Variants in FBXO11 observed in about 807,000 individuals in gnomAD.
The protein encoded by FBXO11 is F-box only protein 11.
In FBXO11, 13 loss-of-function variants were observed where a neutral mutation model predicts 117.0. The ratio of observed to expected loss-of-function variants is 0.11; its 90% confidence interval spans 0.07 to 0.18. FBXO11 has a LOEUF of 0.18. Among genes scored for constraint, FBXO11 ranks in the 10% least tolerant of loss-of-function variants. FBXO11 has a pLI of 1.00. For missense variants in FBXO11, 767 were observed against 1,164.4 expected, an observed-to-expected ratio of 0.66 and a Z score of 4.97; for synonymous variants, 490 against 380.5, an observed-to-expected ratio of 1.29 and a Z score of -3.35.
rs554581892 is a variant in FBXO11, at chr2:47,835,896, G to C, written c.693C>G (p.Pro231=). 1 of 1,608,874 alleles carries C rather than the reference G, an allele frequency of 6.2e-7. No homozygotes were observed. The highest frequency in any genetic ancestry group is 8.5e-7 in the Non-Finnish European group (1 of 1,176,938). ...CCAACTGCTGGAAACTCTCTTTCCA[G>C]GGATTTGGATGTTCATACTCTTCTG... ...INPEEYEHPN[P]WKESFQQLYK... is the part of the protein sequence containing the mutation. The change falls in exon 5 of 23, where the codon CCC becomes CCG. Residue 231 remains proline, a synonymous_variant. Coordinates refer to ENST00000403359, the MANE Select transcript of FBXO11 (RefSeq NM_001190274.2).
chr2:47,893,516 A>G (rs1677425724), intron 1 of FBXO11, among the ~76,000 whole-genome samples: 1 of 152,218 alleles, frequency 6.6e-6, no homozygotes, highest in Non-Finnish European at 1.5e-5. Flanking sequence ...TCTACTTGTT[A>G]GAAGAAAAAT....
chr2:47,810,479 A>G (rs1165287450), intron 18 of FBXO11, 53 bp from the exon 19 acceptor site: 1 of 1,116,514 alleles, frequency 9.0e-7, no homozygotes, highest in Non-Finnish European at 1.3e-6. Context: ...CAGACTACTA[A>G]CCTTTTTGGT....
At chr2:47,854,736 T>G (rs1398358285) in intron 1 of FBXO11, among the ~76,000 whole-genome samples, 1 of 152,118 alleles carries the variant, frequency 6.6e-6, no homozygotes, top group Non-Finnish European at 1.5e-5. Flanking sequence ...GAATTTGCAG[T>G]GCTAACACGT....
intron 16 of FBXO11, among the ~76,000 whole-genome samples, chr2:47,815,886 C>G (rs937466030): frequency 4.6e-5 from 7 of 152,204 alleles, no homozygotes; most frequent in African/African-American, 1.7e-4. Context: ...GCAGCATGTT[C>G]AGAATGAAAC....
chr2:47,898,708 T>C (rs1216596349), intron 1 of FBXO11, among the ~76,000 whole-genome samples: 8 of 152,084 alleles, frequency 5.3e-5, no homozygotes, highest in South Asian at 4.1e-4. Context: ...CAACAATCAA[T>C]AGCATCAGAC....
chr2:47,850,671 T>G (rs756251898), intron 1 of FBXO11, among the ~76,000 whole-genome samples: 4 of 152,172 alleles, frequency 2.6e-5, no homozygotes, highest in East Asian at 3.8e-4. Flanking sequence ...GGGCCCAGAA[T>G]TGACCAAAGT....
intron 1 of FBXO11, among the ~76,000 whole-genome samples, chr2:47,853,292 G>A (rs910341487): frequency 6.6e-6 from 1 of 151,868 alleles, no homozygotes; most frequent in Non-Finnish European, 1.5e-5. Flanking sequence ...GGCTGGTCTC[G>A]AACTTCTGAC....
intron 1 of FBXO11, among the ~76,000 whole-genome samples, chr2:47,903,010 G>A (rs1384864993): frequency 1.3e-5 from 2 of 151,212 alleles, no homozygotes; most frequent in African/African-American, 4.9e-5. Flanking sequence ...TCCTAAACTA[G>A]CAACAACAAA....
At chr2:47,898,090 G>A (rs1572925809) in intron 1 of FBXO11, among the ~76,000 whole-genome samples, 1 of 152,236 alleles carries the variant, frequency 6.6e-6, no homozygotes, top group East Asian at 1.9e-4. Context: ...TTTAACAACG[G>A]GGTTTTTAGA....
intron 16 of FBXO11, among the ~76,000 whole-genome samples, chr2:47,817,842 A>G (rs1458333775): frequency 6.6e-6 from 1 of 152,236 alleles, no homozygotes; most frequent in Non-Finnish European, 1.5e-5. Flanking sequence ...CAATTACAAT[A>G]GTAACATCAA....
In FBXO11 at chr2:47,853,471, G is replaced by A. The variant is rs1335331093; in HGVS notation, c.233-13702C>T. Among the ~76,000 whole-genome samples, 3 of 152,002 alleles carry A rather than the reference G, an allele frequency of 2.0e-5. No homozygotes were observed. The East Asian group carries it at 5.8e-4, about 29-fold the overall frequency. On this transcript the variant is annotated intron_variant, in intron 1 of 22. Coordinates refer to ENST00000403359, the MANE Select transcript of FBXO11 (RefSeq NM_001190274.2). ...ATCAGATCCTTTATTTTATTAATAG[G>A]TAGCTCCTCAGATGTTTTAGTATTG...
intron 1 of FBXO11, among the ~76,000 whole-genome samples, chr2:47,891,244 A>C (rs1352441971): frequency 6.6e-6 from 1 of 152,172 alleles, no homozygotes; most frequent in African/African-American, 2.4e-5. Flanking sequence ...ATCCTGCTTA[A>C]CTGAAACTTC....
chr2:47,841,467 C>T (rs1208960800), intron 1 of FBXO11, among the ~76,000 whole-genome samples: 1 of 152,034 alleles, frequency 6.6e-6, no homozygotes, highest in African/African-American at 2.4e-5. Context: ...TCTCCTATAC[C>T]ACTACCTATA....
intron 1 of FBXO11, among the ~76,000 whole-genome samples, chr2:47,896,330 CTT>C (rs369438123): frequency 1.5e-4 from 21 of 142,892 alleles, no homozygotes; most frequent in Non-Finnish European, 1.2e-4. Flanking sequence ...TGTTTCTTTT[CTT>C]TTTTTTTTTT....
rs554114483 is a variant in FBXO11, at chr2:47,902,646, T to C, written c.232+2843A>G. 1.2e-4 allele frequency among the ~76,000 whole-genome samples: 19 copies of C among 152,278 alleles called. No individual in the cohort carries two copies. The South Asian group carries it at 2.9e-3, about 23-fold the overall frequency. On this transcript the variant is annotated intron_variant, in intron 1 of 22. Transcript: ENST00000403359. ...GGTGTCAAGGAAGTTTTTATACCAATTAACCTGTGGGCAATGAAGCAGCTA... is the reference window on the plus strand; with the variant it reads ...GGTGTCAAGGAAGTTTTTATACCAACTAACCTGTGGGCAATGAAGCAGCTA...
At chr2:47,893,151 C>T (rs1677388274) in intron 1 of FBXO11, among the ~76,000 whole-genome samples, 3 of 132,394 alleles carry the variant, frequency 2.3e-5, no homozygotes, top group African/African-American at 8.1e-5. Context: ...GATACTCTGT[C>T]TCAAAAAAAA....
In FBXO11 at chr2:47,906,111, C is replaced by T; in HGVS notation, c.-391G>A. 5.1e-6 allele frequency: 1 copy of T among 194,450 alleles called. No individual in the cohort carries two copies. The highest frequency in any genetic ancestry group is 1.0e-5 in the Non-Finnish European group (1 of 95,502). The allele number at this position is 194,450 out of a possible 1,614,324, so 12.0% of individuals were successfully genotyped here. Reference sequence around the variant, plus strand: ...CGGCTGAAGAGACAGATCCCGGTCCCGCCGACTCGCGAGCGGCGTCTCCGG... The same window carrying T: ...CGGCTGAAGAGACAGATCCCGGTCCTGCCGACTCGCGAGCGGCGTCTCCGG... On this transcript the variant is annotated 5_prime_UTR_variant, in exon 1 of 23. Transcript: ENST00000403359.
chr2:47,812,593 A>G (rs1670700765), intron 18 of FBXO11, among the ~76,000 whole-genome samples: 1 of 152,214 alleles, frequency 6.6e-6, no homozygotes, highest in African/African-American at 2.4e-5. Flanking sequence ...AATTTTGTTC[A>G]TTAAATCTTG....
intron 1 of FBXO11, chr2:47,883,639 A>C: frequency 3.2e-6 from 1 of 315,208 alleles, no homozygotes; most frequent in Non-Finnish European, 6.4e-6. Flanking sequence ...TACAACATTC[A>C]AAAGGAGTCT....
Sources: allele counts gnomAD v4.1 joint callset (sites outside exome capture counted in the v4.1 genomes callset), GRCh38; gene constraint gnomAD v4.1.1; transcripts MANE v1.5; gene names NCBI Gene and HGNC (gene_info 2026-07-23, HGNC 2026-07-21).